XG: variants seen among roughly 807,000 people sequenced by gnomAD.
The protein encoded by XG is Xg glycoprotein (Xg blood group), also known as glycoprotein Xg.
A neutral mutation model predicts 25.7 loss-of-function variants in XG; 24 were observed. The ratio of observed to expected loss-of-function variants is 0.93; its 90% CI spans 0.68 to 1.31. XG has a LOEUF of 1.31. Among genes scored for constraint, XG ranks in the 40% most tolerant of loss-of-function variants. The probability of loss-of-function intolerance (pLI) is 0.00; values close to 1 mark genes in which losing one functional copy is unlikely to be tolerated. For missense variants in XG, 181 were observed against 187.6 expected (o/e 0.96, Z 0.21); for synonymous variants, 77 against 69.2 (o/e 1.11, Z -0.56).
At chrX:2,795,049 T>C (rs2086870987) in intron 6 of XG, among the ~76,000 whole-genome samples, 1 of 110,486 alleles carries the variant, frequency 9.1e-6, no homozygotes, top group Non-Finnish European at 1.9e-5. Flanking sequence ...TGTAGGTATA[T>C]GGTTTTTTTC....
intron 1 of XG, among the ~76,000 whole-genome samples, chrX:2,766,400 A>G (rs1262786884): frequency 2.0e-5 from 3 of 151,480 alleles, no homozygotes; most frequent in Non-Finnish European, 2.9e-5. Context: ...CGGCCTCCCA[A>G]AGTGCTGGGA....
chrX:2,803,005 A>C (rs1363960584), intron 7 of XG, among the ~76,000 whole-genome samples: 1 of 111,746 alleles, frequency 8.9e-6, no homozygotes, highest in South Asian at 3.8e-4. Context: ...GGCACGATGC[A>C]GTCGGTTAGG....
At chrX:2,764,580 C>T (rs1445835529) in intron 1 of XG, among the ~76,000 whole-genome samples, 2 of 152,070 alleles carry the variant, frequency 1.3e-5, no homozygotes, top group African/African-American at 4.8e-5. Flanking sequence ...GTCCCTGTGC[C>T]AGCTTTGTAA....
intron 4 of XG, among the ~76,000 whole-genome samples, chrX:2,783,789 A>G (rs2086756278): frequency 8.9e-6 from 1 of 112,717 alleles, no homozygotes; most frequent in Non-Finnish European, 1.9e-5. Flanking sequence ...AGCCTGGCCA[A>G]CATGGCGAAA....
chrX:2,761,483 C>T (rs1270889043), intron 1 of XG, among the ~76,000 whole-genome samples: 5 of 149,532 alleles, frequency 3.3e-5, no homozygotes, highest in Non-Finnish European at 1.5e-5. Flanking sequence ...ATAAGAAGAG[C>T]AGATGAGGAC....
rs192417952 is a variant in XG, at chrX:2,761,888, G to A, written c.62-8662G>A. ...TGGGAGAATCAAGGTTGTTGTTTAA[G>A]CTGCCCAGTCTTTGGGATTGCATTG... is the stretch of plus-strand genomic sequence containing the variant. On this transcript the variant is annotated intron_variant, in intron 1 of 10. Coordinates refer to ENST00000644266, the MANE Select transcript of XG (RefSeq NM_001141919.2). Among the ~76,000 whole-genome samples, 179 of 152,312 alleles carry A rather than the reference G, an allele frequency of 1.2e-3. 3 individuals are homozygous for A. The East Asian group carries it at 0.027, about 23-fold the overall frequency.
At position 2,757,191 on chromosome X, in the gene XG, C is replaced by T. The variant is rs183772833; in HGVS notation, c.61+4856C>T. 7.1e-3 allele frequency among the ~76,000 whole-genome samples: 1,083 copies of T among 152,074 alleles called. 2 individuals are homozygous for T. The highest frequency in any genetic ancestry group is 0.02 in the Middle Eastern group (6 of 294). On this transcript the variant is annotated intron_variant, in intron 1 of 10. Coordinates refer to ENST00000644266, the MANE Select transcript of XG (RefSeq NM_001141919.2). ...GAACACCTCTCAGTGTTCAGATGTT[C>T]CTTCTCTTCTCTCCTTCTCTGCTGT...
intron 1 of XG, among the ~76,000 whole-genome samples, chrX:2,762,816 C>T (rs1438537544): frequency 2.0e-5 from 3 of 152,042 alleles, no homozygotes; most frequent in Admixed American, 2.0e-4. Context: ...GCAAGGACAA[C>T]CCTCTTAGGG....
At chrX:2,753,487 T>C (rs1372030002) in intron 1 of XG, among the ~76,000 whole-genome samples, 3 of 152,204 alleles carry the variant, frequency 2.0e-5, no homozygotes, top group South Asian at 2.1e-4. Flanking sequence ...TTTGACATGA[T>C]GGTTCAATTT....
chrX:2,768,090 C>G (rs1044257811), intron 1 of XG, among the ~76,000 whole-genome samples: 1 of 152,094 alleles, frequency 6.6e-6, no homozygotes, highest in South Asian at 2.1e-4. Context: ...GTGCCACCTG[C>G]CTGTTTTATG....
chrX:2,774,708 G>C lies in XG; in HGVS notation c.104-8G>C. ...CATATTGCATTTATTTTCTCTCTTT[G>C]TTCACAGAACCCACCAAGAAGCCAA... On this transcript the variant is annotated splice_polypyrimidine_tract_variant and splice_region_variant and intron_variant, in intron 2 of 10. Transcript: ENST00000644266. 6.2e-7 allele frequency: 1 copy of C among 1,613,412 alleles called. No individual in the cohort carries two copies. Among genetic ancestry groups the C allele is most frequent in the Non-Finnish European group, 8.5e-7 (1 of 1,179,774 alleles).
chrX:2,755,877 G>C (rs2050424131), intron 1 of XG, among the ~76,000 whole-genome samples: 1 of 152,042 alleles, frequency 6.6e-6, no homozygotes. Context: ...TGCGATGATT[G>C]CTATGAAGTA....
chrX:2,757,153 A>G (rs2050453962), intron 1 of XG, among the ~76,000 whole-genome samples: 1 of 151,922 alleles, frequency 6.6e-6, no homozygotes, highest in East Asian at 1.9e-4. Flanking sequence ...CTCTTCTCCA[A>G]CCATCCCCAG....
chrX:2,761,742 A>T (rs2050569732), intron 1 of XG, among the ~76,000 whole-genome samples: 1 of 152,050 alleles, frequency 6.6e-6, no homozygotes, highest in Non-Finnish European at 1.5e-5. Flanking sequence ...ACAGACGCAC[A>T]CAGAGGGATG....
Position 2,816,009 on chromosome X carries a change from A to G in XG, c.*1629A>G, listed in dbSNP as rs1391071046. 8.9e-6 allele frequency: 1 copy of G among 112,379 alleles called. No homozygotes were observed. Among genetic ancestry groups the G allele is most frequent in the Non-Finnish European group, 1.9e-5 (1 of 53,283 alleles). 9.3% of individuals were successfully genotyped at this position (112,379 alleles called of 1,213,427 possible). ...TGACTGTAGAAGTGGCCCCAAAATT[A>G]TGAACCTTCGTAGCTGTGAATATGA... On this transcript the variant is annotated 3_prime_UTR_variant, in exon 11 of 11. Transcript: ENST00000644266.
At chrX:2,770,169 G>A (rs1465997597) in intron 1 of XG, among the ~76,000 whole-genome samples, 4 of 152,180 alleles carry the variant, frequency 2.6e-5, no homozygotes, top group South Asian at 2.1e-4. Context: ...AGGTTGCAAC[G>A]TGAACGCAAC....
At chrX:2,756,161 G>A (rs1479465677) in intron 1 of XG, among the ~76,000 whole-genome samples, 2 of 152,166 alleles carry the variant, frequency 1.3e-5, no homozygotes, top group Non-Finnish European at 2.9e-5. Context: ...AATAGAGGTT[G>A]ACATTTTAGC....
chrX:2,805,379 A>T (rs1264473882), intron 7 of XG, among the ~76,000 whole-genome samples: 10 of 112,404 alleles, frequency 8.9e-5, no homozygotes, highest in Non-Finnish European at 1.9e-4. Context: ...TGGAGGCTGG[A>T]AGTCTGAGAT....
At chrX:2,812,381 TAA>T (rs2087066429) in intron 10 of XG, among the ~76,000 whole-genome samples, 1 of 111,086 alleles carries the variant, frequency 9.0e-6, no homozygotes, top group African/African-American at 3.3e-5. Context: ...TTTTATAGCC[TAA>T]AGAGTGACTC....
Sources: gnomAD v4.1 joint callset for allele counts (sites outside exome capture counted in the v4.1 genomes callset) on GRCh38, gnomAD v4.1.1 for gene constraint, MANE v1.5 for transcripts, NCBI Gene and HGNC (gene_info 2026-07-23, HGNC 2026-07-21) for gene names.